AHRR: variants seen among roughly 807,000 people sequenced by gnomAD.
AHRR encodes the protein ahR repressor.
AHRR carries 28 observed loss-of-function variants against 44.0 expected under a neutral mutation model. That is an observed-to-expected ratio of 0.64 (90% CI 0.47 to 0.87). AHRR has a LOEUF of 0.87. AHRR is among the 40% of genes least tolerant of loss of function. AHRR has a pLI of 0.00. For missense variants in AHRR, 990 were observed against 953.9 expected (o/e 1.04, Z -0.50); for synonymous variants, 434 against 407.0 (o/e 1.07, Z -0.80).
chr5:379,074 T>C (rs1423474687), intron 4 of AHRR, among the ~76,000 whole-genome samples: 4 of 152,228 alleles, frequency 2.6e-5, no homozygotes, highest in Admixed American at 6.5e-5. Context: ...CCACGGCCGA[T>C]GTGTGCTCTA....
intron 1 of AHRR, among the ~76,000 whole-genome samples, chr5:325,075 G>A (rs939007254): frequency 1.1e-4 from 16 of 152,220 alleles, no homozygotes; most frequent in South Asian, 4.1e-4. Context: ...CGAGGCTTCC[G>A]TCTCAATTCC....
At chr5:410,566 AATG>A (rs1306611460) in intron 4 of AHRR, among the ~76,000 whole-genome samples, 1 of 152,222 alleles carries the variant, frequency 6.6e-6, no homozygotes, top group Non-Finnish European at 1.5e-5. Flanking sequence ...AAAACTTTAA[AATG>A]ATGATTGGGA....
chr5:322,625 T>C (rs546013476), intron 1 of AHRR: 53 of 152,358 alleles, frequency 3.5e-4, no homozygotes, highest in African/African-American at 1.3e-3. Flanking sequence ...CGCCCCGGCC[T>C]GGCAACCGTC....
chr5:376,969 T>C (rs1465337915), intron 4 of AHRR, among the ~76,000 whole-genome samples: 3 of 152,190 alleles, frequency 2.0e-5, no homozygotes, highest in Admixed American at 6.5e-5. Flanking sequence ...CTCTCGGCCT[T>C]GTGTGCTACA....
At position 395,634 on chromosome 5, in the gene AHRR, G is replaced by A. The variant is rs939715918; in HGVS notation, c.352-17710G>A. ...GGAAGCCCCAAGCCGCTCGGCAGAC[G>A]GTCATCGGGCCGCGCTGCTGCTCTG... is the stretch of plus-strand genomic sequence containing the variant. On this transcript the variant is annotated intron_variant, in intron 4 of 10. Coordinates refer to ENST00000684583, the MANE Select transcript of AHRR (RefSeq NM_001377236.1). The surrounding 1 kb of genome is among the most constrained non-coding windows in gnomAD (Gnocchi z 5.3). Among the ~76,000 whole-genome samples, 2 of 152,230 alleles carry A rather than the reference G, an allele frequency of 1.3e-5. No individual in the cohort carries two copies. Among genetic ancestry groups the A allele is most frequent in the Non-Finnish European group, 2.9e-5 (2 of 68,044 alleles).
rs1401365228 is a variant in AHRR at position 405,074 on chromosome 5, A to G, written c.352-8270A>G. ...TAAACAACTAAGTCCCAAGTGTTCC[A>G]TGGCCCCCTCCCCCAAAGAAATGCA... is the stretch of plus-strand genomic sequence containing the variant. On this transcript the variant is annotated intron_variant, in intron 4 of 10. Transcript: ENST00000684583. The surrounding 1 kb of genome is among the most constrained non-coding windows in gnomAD (Gnocchi z 4.5). Among the ~76,000 whole-genome samples the G allele has an allele frequency of 1.3e-5, 2 of 152,072 alleles. No homozygotes were observed. Among genetic ancestry groups the G allele is most frequent in the Admixed American group, 6.5e-5 (1 of 15,274 alleles).
At chr5:350,906 CAAAAAG>C (rs943918247) in intron 2 of AHRR, among the ~76,000 whole-genome samples, 21 of 151,252 alleles carry the variant, frequency 1.4e-4, no homozygotes, top group African/African-American at 3.9e-4. Flanking sequence ...AACTCAAAAA[CAAAAAG>C]AAAAACAACC....
chr5:397,028 G>GT (rs201525988), intron 4 of AHRR, among the ~76,000 whole-genome samples: 1 of 139,254 alleles, frequency 7.2e-6, no homozygotes, highest in Non-Finnish European at 1.6e-5. Context: ...GACCATCCAT[G>GT]TAGCCCCTGA....
At chr5:349,729 G>C (rs1742798374) in intron 2 of AHRR, among the ~76,000 whole-genome samples, 1 of 152,148 alleles carries the variant, frequency 6.6e-6, no homozygotes, top group South Asian at 2.1e-4. Context: ...TTCTTGTAAA[G>C]TTTTACAGTA....
At chr5:423,188 G>C (rs1008540543) in intron 6 of AHRR, among the ~76,000 whole-genome samples, 1 of 152,122 alleles carries the variant, frequency 6.6e-6, no homozygotes, top group Non-Finnish European at 1.5e-5. Context: ...CAAGTCTCAC[G>C]TCTGCCAGGA....
chr5:398,127 C>T (rs1734835052), intron 4 of AHRR, among the ~76,000 whole-genome samples: 1 of 140,672 alleles, frequency 7.1e-6, no homozygotes, highest in Non-Finnish European at 1.5e-5. Flanking sequence ...CACGTAGCTC[C>T]TGACCGTCCA....
rs368053582 is a variant in AHRR at position 397,808 on chromosome 5, C to T, written c.352-15536C>T. 1.8e-4 allele frequency among the ~76,000 whole-genome samples: 20 copies of T among 110,466 alleles called. 1 individual carries two copies. The highest frequency in any genetic ancestry group is 1.1e-3 in the East Asian group (4 of 3,506). The allele number at this position is 110,466 out of a possible 152,430, so 72.5% of individuals were successfully genotyped here. On this transcript the variant is annotated intron_variant, in intron 4 of 10. Transcript: ENST00000684583. ...CCTGACCATCCACGTAGCCCCTGAC[C>T]GTCCACGTAGCTCCTGACCGTCCAT... is the stretch of plus-strand genomic sequence containing the variant.
At position 345,561 on chromosome 5, in the gene AHRR, G is replaced by T. The variant is rs550582046; in HGVS notation, c.62+1597G>T. ...GGCTGTGTGTGGGGATGTGTGTGTG[G>T]GGATGTGTGGGTGTGTGTGGGTGTG... On this transcript the variant is annotated intron_variant, in intron 2 of 10. Coordinates refer to ENST00000684583, the MANE Select transcript of AHRR (RefSeq NM_001377236.1). Among the ~76,000 whole-genome samples, 61 of 143,054 alleles carry T rather than the reference G, an allele frequency of 4.3e-4. 2 individuals carry two copies. In the Middle Eastern group the frequency reaches 0.017, roughly 40 times the overall value. The allele number at this position is 143,054 out of a possible 152,430, so 93.8% of individuals were successfully genotyped here. A position where few individuals can be genotyped will look rare whatever the true frequency, so the allele number is the denominator to read the frequency against.
At chr5:365,501 G>A (rs191453134) in intron 3 of AHRR, among the ~76,000 whole-genome samples, 2 of 152,224 alleles carry the variant, frequency 1.3e-5, no homozygotes, top group African/African-American at 2.4e-5. Context: ...AAGTGTTTAT[G>A]TATAAAAGAA....
At chr5:377,790 G>T (rs1733797114) in intron 4 of AHRR, among the ~76,000 whole-genome samples, 1 of 152,242 alleles carries the variant, frequency 6.6e-6, no homozygotes, top group South Asian at 2.1e-4. Flanking sequence ...GTTCCCTGCT[G>T]CTGGACTTCC....
intron 5 of AHRR, chr5:421,284 C>A (rs557502146): frequency 1.4e-4 from 95 of 698,516 alleles, no homozygotes; most frequent in East Asian, 2.2e-4. Flanking sequence ...ACGGAACGGG[C>A]GAGGCTGTTG....
At chr5:361,352 G>A (rs544104620) in intron 3 of AHRR, among the ~76,000 whole-genome samples, 1 of 152,374 alleles carries the variant, frequency 6.6e-6, no homozygotes, top group Non-Finnish European at 1.5e-5. Flanking sequence ...GCAGAGGCCA[G>A]GAGTGGGATG....
intron 4 of AHRR, among the ~76,000 whole-genome samples, chr5:396,793 G>T (rs539863069): frequency 6.9e-6 from 1 of 143,902 alleles, no homozygotes; most frequent in Non-Finnish European, 1.5e-5. Context: ...TCGCCTGCCC[G>T]CCCTCTCCCC....
rs895419259 is a variant in AHRR, at chr5:413,450, T to C, written c.441+17T>C. The stretch of plus-strand genomic sequence containing the variant: ...TTCCATCAGGTAAATGAAACCAGAA[T>C]AGCCCTCCAGTCTGTTAAGTGCTAT... On this transcript the variant is annotated intron_variant, in intron 5 of 10. Transcript: ENST00000684583. 15 of 1,570,894 alleles carry C rather than the reference T, an allele frequency of 9.5e-6. No individual in the cohort carries two copies. Among genetic ancestry groups the C allele is most frequent in the Non-Finnish European group, 1.2e-5 (14 of 1,145,194 alleles).
Sources: allele counts gnomAD v4.1 joint callset (sites outside exome capture counted in the v4.1 genomes callset), GRCh38; gene constraint gnomAD v4.1.1; non-coding constraint Gnocchi (gnomAD v3.1); transcripts MANE v1.5; gene names NCBI Gene and HGNC (gene_info 2026-07-23, HGNC 2026-07-21).